The following HPS3 variants were observed in gnomAD, a reference collection of about 807,000 sequenced individuals.
The protein encoded by HPS3 is HPS3 biogenesis of lysosomal organelles complex 2 subunit 1.
Under a neutral mutation model 110.9 loss-of-function variants are expected in HPS3, and 79 were observed. The observed-to-expected ratio is 0.71, with a 90% CI of 0.59 to 0.86. The LOEUF is 0.86. Ranked by LOEUF, HPS3 falls within the 40% of genes least tolerant of loss-of-function variation. HPS3 has a pLI of 0.00. For synonymous variants in HPS3, 428 were observed against 451.0 expected, an observed-to-expected ratio of 0.95 and a Z score of 0.65; for missense variants, 1,197 against 1,206.2, an observed-to-expected ratio of 0.99 and a Z score of 0.11.
chr3:149,164,477 G>C (rs1053110774), intron 14 of HPS3, among the ~76,000 whole-genome samples: 2 of 152,132 alleles, frequency 1.3e-5, no homozygotes, highest in African/African-American at 4.8e-5. Context: ...CAGTGTTTTG[G>C]CTGGCAGTGA....
At chr3:149,130,833 C>G (rs1056158199) in intron 1 of HPS3, among the ~76,000 whole-genome samples, 2 of 152,110 alleles carry the variant, frequency 1.3e-5, no homozygotes, top group Non-Finnish European at 2.9e-5. Flanking sequence ...GAAGCAATAC[C>G]AAGGAAATAC....
chr3:149,144,711 A>G lies in HPS3; in HGVS notation c.971-643A>G, dbSNP rs75788917. 6.6e-5 allele frequency among the ~76,000 whole-genome samples: 10 copies of G among 152,294 alleles called. No homozygotes were observed. The East Asian group carries it at 1.7e-3, about 26-fold the overall frequency. ...ATTTCCATTTGAGTTGGTAGATGGA[A>G]ATCTATGCTGTTTAGTATGGTAGCC... On this transcript the variant is annotated intron_variant, in intron 4 of 16. Coordinates refer to ENST00000296051, the MANE Select transcript of HPS3 (RefSeq NM_032383.5).
At chr3:149,158,487 G>A (rs1723588656) in intron 9 of HPS3, among the ~76,000 whole-genome samples, 179 bp from the exon 10 acceptor site, 1 of 152,078 alleles carries the variant, frequency 6.6e-6, no homozygotes, top group African/African-American at 2.4e-5. Flanking sequence ...AGATATCCAG[G>A]TTTAAAAATT....
intron 16 of HPS3, among the ~76,000 whole-genome samples, chr3:149,170,182 T>C (rs1012745612): frequency 6.6e-6 from 1 of 152,224 alleles, no homozygotes; most frequent in Admixed American, 6.5e-5. Flanking sequence ...ATTTAAGATA[T>C]TGACCTTCTT....
rs536655308 is a variant in HPS3, at chr3:149,141,718, G to C, written c.970+338G>C. On this transcript the variant is annotated intron_variant, in intron 4 of 16. Transcript: ENST00000296051. Reference sequence around the variant, plus strand: ...CCGGCTAAATTTTTTTGTATTTTTAGCAGAGACGGGGTTTCACCATGTTGG... The same window carrying C: ...CCGGCTAAATTTTTTTGTATTTTTACCAGAGACGGGGTTTCACCATGTTGG... Among the ~76,000 whole-genome samples, 291 of 151,014 alleles carry C rather than the reference G, an allele frequency of 1.9e-3. 2 individuals are homozygous for C. The highest frequency in any genetic ancestry group is 6.8e-3 in the African/African-American group (281 of 41,168).
At chr3:149,134,506 T>C (rs1408568310) in intron 1 of HPS3, among the ~76,000 whole-genome samples, 1 of 152,364 alleles carries the variant, frequency 6.6e-6, no homozygotes, top group East Asian at 1.9e-4. Flanking sequence ...TGTAAACTTC[T>C]AGCTTTCTTA....
intron 1 of HPS3, 137 bp downstream of exon 1, chr3:149,130,077 G>T: frequency 1.5e-5 from 12 of 807,716 alleles, no homozygotes; most frequent in Non-Finnish European, 2.4e-5. Context: ...GGTCTCCCTG[G>T]GTCTGGCCGC....
At chr3:149,162,004 C>G in intron 11 of HPS3, 144 bp from the exon 12 acceptor site, 2 of 697,346 alleles carry the variant, frequency 2.9e-6, no homozygotes, top group Non-Finnish European at 5.0e-6. Context: ...TAAGAACTAG[C>G]CTTTATAGTC....
Position 149,150,690 on chromosome 3 carries a change from G to A in HPS3, c.1245+10G>A. The A allele has an allele frequency of 1.9e-6, 3 of 1,604,526 alleles. No homozygotes were observed. In the East Asian group the frequency reaches 6.7e-5, roughly 36 times the overall value. On this transcript the variant is annotated intron_variant, in intron 6 of 16. Transcript: ENST00000296051. ...GGACACCACCCTGAAGGTAAGAACTGGCTTATGAAGATAGTGAAACCTTAA... is the reference window on the plus strand; with the variant it reads ...GGACACCACCCTGAAGGTAAGAACTAGCTTATGAAGATAGTGAAACCTTAA...
chr3:149,143,604 G>A (rs1048290969), intron 4 of HPS3, among the ~76,000 whole-genome samples: 2 of 152,186 alleles, frequency 1.3e-5, no homozygotes, highest in Non-Finnish European at 2.9e-5. Context: ...GAATGGATGG[G>A]TCATATGTAT....
chr3:149,158,834 A>G lies in HPS3; in HGVS notation c.1860A>G (p.Glu620=). 6.3e-7 allele frequency: 1 copy of G among 1,579,388 alleles called. No individual in the cohort carries two copies. Among genetic ancestry groups the G allele is most frequent in the Non-Finnish European group, 8.7e-7 (1 of 1,148,708 alleles). Residue 620 remains glutamate, a synonymous_variant, in exon 10 of 17, where the codon GAA becomes GAG. Coordinates refer to ENST00000296051, the MANE Select transcript of HPS3 (RefSeq NM_032383.5). ...INHSLYENLD[E]ELNEELAAKV... is the part of the protein sequence containing the mutation. The stretch of plus-strand genomic sequence containing the variant: ...ATTCACTTTATGAAAACCTGGATGA[A>G]GAATTAAATGAAGTGATTATAGTTT...
intron 5 of HPS3, among the ~76,000 whole-genome samples, chr3:149,147,289 AT>A (rs577845433): frequency 6.6e-6 from 1 of 152,210 alleles, no homozygotes; most frequent in Non-Finnish European, 1.5e-5. Context: ...AGAACTGTAG[AT>A]TAGGGTAAAG....
At chr3:149,161,089 A>C (rs1275052436) in intron 11 of HPS3, among the ~76,000 whole-genome samples, 1 of 152,254 alleles carries the variant, frequency 6.6e-6, no homozygotes, top group African/African-American at 2.4e-5. Flanking sequence ...TTGCTAAAAA[A>C]GGAAGAACGT....
At chr3:149,131,391 C>T (rs1402808512) in intron 1 of HPS3, among the ~76,000 whole-genome samples, 1 of 152,182 alleles carries the variant, frequency 6.6e-6, no homozygotes, top group Non-Finnish European at 1.5e-5. Context: ...TTTCACACTG[C>T]ATGTGCTCAC....
In HPS3 at chr3:149,140,156, C is replaced by G. The variant is rs1722347279; in HGVS notation, c.370C>G (p.Gln124Glu). 1.2e-6 allele frequency: 2 copies of G among 1,614,000 alleles called. No homozygotes were observed. The highest frequency in any genetic ancestry group is 2.7e-5 in the African/African-American group (2 of 74,906). ...EGPFSKAFRD[Q>E]MYIIEMPLSE... ...ACCATTCAGCAAAGCCTTCAGAGACCAGATGTACATTATTGAAATGCCGCT... is the reference window on the plus strand; with the variant it reads ...ACCATTCAGCAAAGCCTTCAGAGACGAGATGTACATTATTGAAATGCCGCT... Residue 124 changes from glutamine to glutamate, a missense_variant, in exon 2 of 17, where the codon CAG becomes GAG. Coordinates refer to ENST00000296051, the MANE Select transcript of HPS3 (RefSeq NM_032383.5).
intron 7 of HPS3, chr3:149,154,181 G>A (rs2108153766): frequency 6.5e-6 from 1 of 154,872 alleles, no homozygotes; most frequent in East Asian, 1.9e-4. Context: ...CCATTGTTTA[G>A]AATAGAATGC....
At chr3:149,138,403 A>G (rs1722249300) in intron 1 of HPS3, among the ~76,000 whole-genome samples, 1 of 152,228 alleles carries the variant, frequency 6.6e-6, no homozygotes, top group South Asian at 2.1e-4. Flanking sequence ...GGAAGAAGTG[A>G]CATTAGATCC....
At position 149,137,045 on chromosome 3, in the gene HPS3, G is replaced by A. The variant is rs558908331; in HGVS notation, c.218-2959G>A. 6.6e-5 allele frequency among the ~76,000 whole-genome samples: 10 copies of A among 152,024 alleles called. 1 individual carries two copies. The highest frequency in any genetic ancestry group is 2.4e-4 in the African/African-American group (10 of 41,462). Reference sequence around the variant, plus strand: ...CAGATTGAAAAGACAACATGGAATGGGAGAAAATATTTCCGAATCATATAT... The same window carrying A: ...CAGATTGAAAAGACAACATGGAATGAGAGAAAATATTTCCGAATCATATAT... On this transcript the variant is annotated intron_variant, in intron 1 of 16. Transcript: ENST00000296051.
At chr3:149,134,384 GAA>G (rs1038228354) in intron 1 of HPS3, among the ~76,000 whole-genome samples, 2 of 146,168 alleles carry the variant, frequency 1.4e-5, no homozygotes, top group African/African-American at 2.8e-5. Flanking sequence ...GTGAGAGAGA[GAA>G]AGAAAGACAG....
Sources: allele counts gnomAD v4.1 joint callset (sites outside exome capture counted in the v4.1 genomes callset), GRCh38; gene constraint gnomAD v4.1.1; transcripts MANE v1.5; gene names NCBI Gene and HGNC (gene_info 2026-07-23, HGNC 2026-07-21).